The following RNF150 variants were observed in gnomAD, a reference collection of about 807,000 sequenced individuals.
RNF150 encodes the protein ring finger protein 150.
Under a neutral mutation model 39.3 loss-of-function variants are expected in RNF150, and 24 were observed. The ratio of observed to expected loss-of-function variants is 0.61; its 90% CI spans 0.44 to 0.86. RNF150 has a LOEUF of 0.86. Ranked by LOEUF, RNF150 falls within the 40% of genes least tolerant of loss-of-function variation. RNF150 has a pLI of 0.00. For synonymous variants in RNF150, 255 were observed against 227.3 expected, an observed-to-expected ratio of 1.12 and a Z score of -1.10; for missense variants, 502 against 587.8, an observed-to-expected ratio of 0.85 and a Z score of 1.51.
intron 1 of RNF150, among the ~76,000 whole-genome samples, chr4:141,106,584 G>T (rs1739216231): frequency 6.6e-6 from 1 of 152,054 alleles, no homozygotes; most frequent in Non-Finnish European, 1.5e-5. Flanking sequence ...CCTGAGGTTG[G>T]GAATTCGAGA....
intron 1 of RNF150, among the ~76,000 whole-genome samples, chr4:141,168,260 A>ATC (rs1305215434): frequency 6.6e-6 from 1 of 152,206 alleles, no homozygotes; most frequent in Non-Finnish European, 1.5e-5. Context: ...ATCTCACACG[A>ATC]GTTAGAATGA....
chr4:140,915,397 T>C (rs10026127), intron 5 of RNF150, among the ~76,000 whole-genome samples: 2,246 of 152,328 alleles, frequency 0.015, 47 homozygotes, highest in African/African-American at 0.051. Flanking sequence ...CTTGCTGATA[T>C]AATTAACACA....
intron 4 of RNF150, among the ~76,000 whole-genome samples, chr4:140,934,448 T>C (rs545027033): frequency 6.6e-6 from 1 of 151,932 alleles, no homozygotes; most frequent in South Asian, 2.1e-4. Context: ...TTTCATGTGA[T>C]AGAGCAAAAA....
intron 1 of RNF150, among the ~76,000 whole-genome samples, chr4:141,072,723 C>T (rs1737753523): frequency 1.3e-5 from 2 of 151,920 alleles, no homozygotes; most frequent in South Asian, 2.1e-4. Context: ...ATTTACCATC[C>T]CTATGAAAAG....
At chr4:141,159,584 C>T (rs936906674) in intron 1 of RNF150, among the ~76,000 whole-genome samples, 1 of 151,814 alleles carries the variant, frequency 6.6e-6, no homozygotes, top group African/African-American at 2.4e-5. Flanking sequence ...GCTGTGTCAC[C>T]CTGGCTGGAG....
chr4:141,149,122 A>G (rs2111137606), intron 1 of RNF150, among the ~76,000 whole-genome samples: 2 of 152,306 alleles, frequency 1.3e-5, no homozygotes, highest in African/African-American at 4.8e-5. Flanking sequence ...TTTAAATTTT[A>G]TCCTTTTGTG....
intron 1 of RNF150, among the ~76,000 whole-genome samples, chr4:141,171,048 A>G (rs1727708607): frequency 6.6e-6 from 1 of 152,218 alleles, no homozygotes; most frequent in Non-Finnish European, 1.5e-5. Flanking sequence ...TGGACTAGAG[A>G]AGAATGCAAA....
chr4:141,043,803 T>A (rs1161075050), intron 1 of RNF150, among the ~76,000 whole-genome samples: 1 of 152,050 alleles, frequency 6.6e-6, no homozygotes, highest in Non-Finnish European at 1.5e-5. Flanking sequence ...GAGAAAATTT[T>A]TACCTCCTGC....
At chr4:141,008,834 GTTCTTCT>G (rs754193563) in intron 1 of RNF150, among the ~76,000 whole-genome samples, 1 of 151,464 alleles carries the variant, frequency 6.6e-6, no homozygotes, top group Non-Finnish European at 1.5e-5. Context: ...GGTGGTGTAA[GTTCTTCT>G]TCCTTCTCCT....
chr4:141,109,676 A>C (rs1261008130), intron 1 of RNF150, among the ~76,000 whole-genome samples: 2 of 152,126 alleles, frequency 1.3e-5, no homozygotes, highest in African/African-American at 4.8e-5. Context: ...ATAAGCAAAA[A>C]CAGGCTGATT....
intron 1 of RNF150, among the ~76,000 whole-genome samples, chr4:141,061,052 G>A (rs1737202202): frequency 6.6e-6 from 1 of 151,942 alleles, no homozygotes; most frequent in Admixed American, 6.6e-5. Context: ...ATAGGTTGAT[G>A]GGTGCAGCAA....
intron 1 of RNF150, among the ~76,000 whole-genome samples, chr4:141,015,717 C>T (rs971316867): frequency 6.6e-6 from 1 of 152,142 alleles, no homozygotes; most frequent in African/African-American, 2.4e-5. Flanking sequence ...TTTCCTTCTT[C>T]TTTTCCTATT....
At chr4:140,965,906 CTT>C (rs2111418292) in intron 2 of RNF150, among the ~76,000 whole-genome samples, 1 of 152,128 alleles carries the variant, frequency 6.6e-6, no homozygotes, top group African/African-American at 2.4e-5. Context: ...TTTACCTGCT[CTT>C]GTCATCAAAA....
chr4:141,137,688 G>T (rs569498456), upstream of RNF150, among the ~76,000 whole-genome samples: 53 of 152,292 alleles, frequency 3.5e-4, no homozygotes, highest in South Asian at 4.1e-3. Context: ...GAGTCTTGGG[G>T]GGAAGATTAC....
intron 1 of RNF150, among the ~76,000 whole-genome samples, chr4:141,173,328 T>G (rs906629125): frequency 2.6e-5 from 4 of 152,234 alleles, no homozygotes; most frequent in African/African-American, 9.6e-5. Context: ...GATTATGCAT[T>G]TATTTTCATT....
intron 1 of RNF150, among the ~76,000 whole-genome samples, chr4:141,083,699 TTGGTTGTAAAGCCCAC>T (rs1238920608): frequency 6.6e-6 from 1 of 151,650 alleles, no homozygotes; most frequent in African/African-American, 2.4e-5. Flanking sequence ...GGCCACAACG[TTGGTTGTAAAGCCCAC>T]TGGTCAGAGT....
chr4:141,206,159 C>T (rs1488049925), intron 1 of RNF150, among the ~76,000 whole-genome samples: 4 of 152,004 alleles, frequency 2.6e-5, no homozygotes, highest in African/African-American at 9.7e-5. Flanking sequence ...GTGGCTCACA[C>T]CTATAATCCT....
intron 1 of RNF150, among the ~76,000 whole-genome samples, chr4:141,148,080 A>T (rs1365348706): frequency 6.6e-6 from 1 of 152,320 alleles, no homozygotes; most frequent in East Asian, 1.9e-4. Flanking sequence ...TTAACAAAAG[A>T]TTATTTAAAT....
At chr4:141,163,720 G>A (rs1374490878) in intron 1 of RNF150, among the ~76,000 whole-genome samples, 6 of 152,282 alleles carry the variant, frequency 3.9e-5, no homozygotes, top group Non-Finnish European at 8.8e-5. Flanking sequence ...GGGTCTGACT[G>A]TTAGAAGGAA....
Sources: gnomAD v4.1 joint callset for allele counts (sites outside exome capture counted in the v4.1 genomes callset) on GRCh38, gnomAD v4.1.1 for gene constraint, MANE v1.5 for transcripts, NCBI Gene and HGNC (gene_info 2026-07-23, HGNC 2026-07-21) for gene names.